The following DLGAP2 variants were observed in gnomAD, a reference collection of about 807,000 sequenced individuals.
DLGAP2 encodes DLG associated protein 2.
A neutral mutation model predicts 100.3 loss-of-function variants in DLGAP2; 26 were observed. That is an observed-to-expected ratio of 0.26 (90% CI 0.19 to 0.36). The LOEUF (loss-of-function observed/expected upper bound fraction) is 0.36, where lower values mean the gene tolerates loss of function less well. Among genes scored for constraint, DLGAP2 ranks in the 10% least tolerant of loss-of-function variants. The probability of loss-of-function intolerance (pLI) is 1.00; values close to 1 mark genes in which losing one functional copy is unlikely to be tolerated. For synonymous variants in DLGAP2, 886 were observed against 630.1 expected (o/e 1.41, Z -6.08); for missense variants, 1,858 against 1,453.2 (o/e 1.28, Z -4.53).
At position 1,346,220 on chromosome 8, in the gene DLGAP2, A is replaced by G. The variant is rs190096089; in HGVS notation, c.106+87337A>G. ...CATTGCACTCACGGTAGCTGTGTGG[A>G]GGTTGAGTTCCCCGTACACATCTGC... On this transcript the variant is annotated intron_variant, in intron 3 of 14. Transcript: ENST00000637795. Among the ~76,000 whole-genome samples the G allele has an allele frequency of 3.3e-3, 502 of 150,948 alleles. 1 individual carries two copies. The highest frequency in any genetic ancestry group is 7.1e-3 in the Middle Eastern group (2 of 282).
chr8:780,541 C>T (rs1414264161), intron 1 of DLGAP2, among the ~76,000 whole-genome samples: 1 of 152,172 alleles, frequency 6.6e-6, no homozygotes, highest in South Asian at 2.1e-4. Flanking sequence ...TTCAGGGAGG[C>T]TCTGCACAGT....
At chr8:1,349,502 A>T (rs1345072615) in intron 3 of DLGAP2, among the ~76,000 whole-genome samples, 2 of 143,346 alleles carry the variant, frequency 1.4e-5, no homozygotes, top group African/African-American at 5.2e-5. Context: ...ATCCACACAC[A>T]GGTAGAAAGG....
chr8:1,343,124 T>C (rs1195814646), intron 3 of DLGAP2, among the ~76,000 whole-genome samples: 1 of 152,176 alleles, frequency 6.6e-6, no homozygotes, highest in Non-Finnish European at 1.5e-5. Context: ...TCACCAAGCG[T>C]GCAGAAGTCC....
chr8:786,692 G>T (rs1821876837), intron 1 of DLGAP2, among the ~76,000 whole-genome samples: 1 of 152,146 alleles, frequency 6.6e-6, no homozygotes, highest in South Asian at 2.1e-4. Context: ...GCTGGGAGGG[G>T]TGGGGTGGCT....
At chr8:872,627 C>A (rs1458262752) in intron 1 of DLGAP2, among the ~76,000 whole-genome samples, 1 of 152,136 alleles carries the variant, frequency 6.6e-6, no homozygotes, top group Non-Finnish European at 1.5e-5. Context: ...CTGCGCCCGG[C>A]CTTCTCTCAC....
At chr8:1,515,701 CAG>C (rs1563196057) in intron 4 of DLGAP2, among the ~76,000 whole-genome samples, 1 of 152,166 alleles carries the variant, frequency 6.6e-6, no homozygotes, top group Non-Finnish European at 1.5e-5. Context: ...CACAAATATG[CAG>C]ACACACAAAC....
At chr8:1,441,322 T>C (rs896012384) in intron 3 of DLGAP2, among the ~76,000 whole-genome samples, 5 of 152,150 alleles carry the variant, frequency 3.3e-5, no homozygotes, top group African/African-American at 1.2e-4. Flanking sequence ...TCTTAAATAA[T>C]AGAAATGTCT....
At chr8:1,400,043 A>G (rs377189503) in intron 3 of DLGAP2, among the ~76,000 whole-genome samples, 2 of 286 alleles carry the variant, frequency 7.0e-3, no homozygotes, top group African/African-American at 0.026. Context: ...CTCGTCCTCC[A>G]GAGTCGTGTA....
At chr8:1,074,724 T>A (rs1190681309) in intron 2 of DLGAP2, among the ~76,000 whole-genome samples, 1 of 152,202 alleles carries the variant, frequency 6.6e-6, no homozygotes, top group Admixed American at 6.5e-5. Flanking sequence ...TCCTCGTCTT[T>A]CCAGTGACCA....
intron 2 of DLGAP2, among the ~76,000 whole-genome samples, chr8:1,190,534 C>T (rs1797610218): frequency 6.6e-6 from 1 of 152,176 alleles, no homozygotes; most frequent in South Asian, 2.1e-4. Flanking sequence ...TTCGACGCCT[C>T]TGGCCGCCCC....
intron 2 of DLGAP2, among the ~76,000 whole-genome samples, chr8:1,053,559 G>A (rs1037238988): frequency 7.2e-5 from 11 of 152,272 alleles, no homozygotes; most frequent in Middle Eastern, 3.4e-3. Flanking sequence ...AGACAGACGC[G>A]TGAGTGATGA....
At chr8:990,066 C>G (rs765062493) in intron 2 of DLGAP2, among the ~76,000 whole-genome samples, 1 of 152,030 alleles carries the variant, frequency 6.6e-6, no homozygotes, top group Non-Finnish European at 1.5e-5. Context: ...TCACTGCTTC[C>G]CACTGTAGAA....
intron 2 of DLGAP2, among the ~76,000 whole-genome samples, chr8:1,070,857 C>T (rs1008311204): frequency 2.6e-5 from 4 of 152,312 alleles, no homozygotes; most frequent in African/African-American, 9.6e-5. Flanking sequence ...ACTCGCCCCT[C>T]GCCCTCACTC....
At chr8:1,669,402 G>A (rs895438398) in intron 9 of DLGAP2, among the ~76,000 whole-genome samples, 2 of 152,230 alleles carry the variant, frequency 1.3e-5, no homozygotes, top group Non-Finnish European at 2.9e-5. Flanking sequence ...GTGCACCCAG[G>A]GAGGCCGGGA....
At chr8:1,367,108 C>G (rs1802127117) in intron 3 of DLGAP2, among the ~76,000 whole-genome samples, 1 of 152,134 alleles carries the variant, frequency 6.6e-6, no homozygotes, top group Non-Finnish European at 1.5e-5. Context: ...CACACATGCA[C>G]ATGACCACAG....
chr8:1,590,212 G>T lies in DLGAP2; in HGVS notation c.1442+24318G>T, dbSNP rs975877931. 2.0e-5 allele frequency among the ~76,000 whole-genome samples: 3 copies of T among 152,278 alleles called. No individual in the cohort carries two copies. In the South Asian group the frequency reaches 6.2e-4, roughly 32 times the overall value. ...CATCTCAACTCATTTCGTCTGCAGT[G>T]ACCCTATTTCCAAGCGAGGTCATGT... is the stretch of plus-strand genomic sequence containing the variant. On this transcript the variant is annotated intron_variant, in intron 6 of 14. Coordinates refer to ENST00000637795, the MANE Select transcript of DLGAP2 (RefSeq NM_001346810.2).
chr8:1,090,566 G>A lies in DLGAP2; in HGVS notation c.74-168285G>A, dbSNP rs111301504. 8.5e-5 allele frequency among the ~76,000 whole-genome samples: 13 copies of A among 152,364 alleles called. 1 individual carries two copies. The highest frequency in any genetic ancestry group is 3.1e-4 in the African/African-American group (13 of 41,598). On this transcript the variant is annotated intron_variant, in intron 2 of 14. Transcript: ENST00000637795. ...GTGGGAGGTTTGAGAATCCACAGGG[G>A]GTTTGTCCTGTGGGGAGAGTGGCAG...
At chr8:1,040,090 T>G (rs1269932222) in intron 2 of DLGAP2, among the ~76,000 whole-genome samples, 127 of 77,960 alleles carry the variant, frequency 1.6e-3, no homozygotes, top group South Asian at 3.7e-3. Context: ...TCAGCTCGGT[T>G]TCCGTGGTCG....
chr8:986,832 G>A (rs1800501761), intron 2 of DLGAP2, among the ~76,000 whole-genome samples: 1 of 151,966 alleles, frequency 6.6e-6, no homozygotes, highest in Non-Finnish European at 1.5e-5. Flanking sequence ...GCTAATTTTT[G>A]TATTTTTGGT....
Sources: allele counts gnomAD v4.1 joint callset (sites outside exome capture counted in the v4.1 genomes callset), GRCh38; gene constraint gnomAD v4.1.1; transcripts MANE v1.5; gene names NCBI Gene and HGNC (gene_info 2026-07-23, HGNC 2026-07-21).